The following COL23A1 variants were observed in gnomAD, a reference collection of about 807,000 sequenced individuals.
The protein encoded by COL23A1 is collagen alpha-1(XXIII) chain.
COL23A1 carries 97 observed loss-of-function variants against 99.3 expected under a neutral mutation model. The ratio of observed to expected loss-of-function variants is 0.98; its 90% confidence interval spans 0.83 to 1.16. The LOEUF (loss-of-function observed/expected upper bound fraction) is 1.16. COL23A1 is among the 50% of genes most tolerant of loss of function. The pLI is 0.00. For synonymous variants in COL23A1, 320 were observed against 308.2 expected (o/e 1.04, Z -0.40); for missense variants, 762 against 757.4 (o/e 1.01, Z -0.07).
At chr5:178,290,461 C>G (rs370283504) in intron 3 of COL23A1, 92 bp from the exon 4 acceptor site, 3 of 1,532,654 alleles carry the variant, frequency 2.0e-6, no homozygotes, top group Admixed American at 1.7e-5. Context: ...GTCCTCAGCA[C>G]GGCTCCTGGC....
intron 2 of COL23A1, among the ~76,000 whole-genome samples, chr5:178,400,504 TTC>T (rs1764387781): frequency 1.3e-5 from 2 of 151,898 alleles, no homozygotes; most frequent in Admixed American, 6.6e-5. Flanking sequence ...GGAGGATCTG[TTC>T]TCTGTTTCTA....
At chr5:178,269,626 T>TCCATTCATC (rs1221750120) in intron 6 of COL23A1, among the ~76,000 whole-genome samples, 1 of 35,650 alleles carries the variant, frequency 2.8e-5, no homozygotes, top group Non-Finnish European at 6.5e-5. Context: ...ATCCATCCAT[T>TCCATTCATC]CATCCACCCA....
rs1758622315 is a variant in COL23A1 at position 178,310,669 on chromosome 5, A to ATGTGGTCCCTTTGCTGGGGCTGGC, written c.362-3774_362-3751dup. Among the ~76,000 whole-genome samples, 1 of 151,914 alleles carries ATGTGGTCCCTTTGCTGGGGCTGGC rather than the reference A, an allele frequency of 6.6e-6. No homozygotes were observed. Among genetic ancestry groups the ATGTGGTCCCTTTGCTGGGGCTGGC allele is most frequent in the South Asian group, 2.1e-4 (1 of 4,814 alleles). On this transcript the variant is annotated intron_variant, in intron 2 of 28. Transcript: ENST00000390654. This position sits in a 1 kb window ranked among gnomAD's most constrained non-coding sequence, Gnocchi z 4.3. ...GACCAGGGAGGCTGTTCCTCTGGGG[A>ATGTGGTCCCTTTGCTGGGGCTGGC]TGTGGTCCCTTTGCTGGGGCTGGCT...
At chr5:178,506,397 G>T (rs995327589) in intron 2 of COL23A1, among the ~76,000 whole-genome samples, 2 of 152,340 alleles carry the variant, frequency 1.3e-5, no homozygotes, top group South Asian at 2.1e-4. Flanking sequence ...GGGGACCCCA[G>T]GGTACATCTG....
intron 1 of COL23A1, chr5:178,562,733 TGGTG>T (rs1389801037): frequency 1.0e-5 from 1 of 97,662 alleles, no homozygotes; most frequent in African/African-American, 6.8e-5. Context: ...CGCTGGCTGG[TGGTG>T]GGGGGGGTGC....
Position 178,307,448 on chromosome 5 carries a change from G to T in COL23A1, c.362-529C>A. Reference sequence around the variant, plus strand: ...GATCCGCCTGCAGTCTCCGCCACTCGCTGGGGCCTCCAGCTCCTCCTTCCC... The same window carrying T: ...GATCCGCCTGCAGTCTCCGCCACTCTCTGGGGCCTCCAGCTCCTCCTTCCC... On this transcript the variant is annotated intron_variant, in intron 2 of 28. Coordinates refer to ENST00000390654, the MANE Select transcript of COL23A1 (RefSeq NM_173465.4). The surrounding 1 kb of genome is among the most constrained non-coding windows in gnomAD (Gnocchi z 4.2). Among the ~76,000 whole-genome samples, 1 of 152,212 alleles carries T rather than the reference G, an allele frequency of 6.6e-6. No individual in the cohort carries two copies. The highest frequency in any genetic ancestry group is 2.4e-5 in the African/African-American group (1 of 41,450).
intron 13 of COL23A1, among the ~76,000 whole-genome samples, 187 bp downstream of exon 13, chr5:178,257,336 G>A (rs773779982): frequency 1.7e-4 from 26 of 152,166 alleles, no homozygotes; most frequent in Non-Finnish European, 2.5e-4. Flanking sequence ...GGAGGCACAT[G>A]GCCCGGGTGA....
rs1000006999 is a variant in COL23A1, at chr5:178,366,215, C to T, written c.362-59296G>A. 1.3e-5 allele frequency among the ~76,000 whole-genome samples: 2 copies of T among 152,216 alleles called. No individual in the cohort carries two copies. The highest frequency in any genetic ancestry group is 2.4e-5 in the African/African-American group (1 of 41,464). Reference sequence around the variant, plus strand: ...CCGGAGCCCAGGGTTCACTCTGCAACTCTGCTGGCTGAAGGGCCTGCTCCC... The same window carrying T: ...CCGGAGCCCAGGGTTCACTCTGCAATTCTGCTGGCTGAAGGGCCTGCTCCC... On this transcript the variant is annotated intron_variant, in intron 2 of 28. Transcript: ENST00000390654. This position sits in a 1 kb window ranked among gnomAD's most constrained non-coding sequence, Gnocchi z 4.4.
At chr5:178,283,349 GA>G (rs1756997731) in intron 5 of COL23A1, among the ~76,000 whole-genome samples, 1 of 152,058 alleles carries the variant, frequency 6.6e-6, no homozygotes, top group Non-Finnish European at 1.5e-5. Context: ...GAGTGTACCT[GA>G]ACACACAAAG....
chr5:178,540,935 G>A (rs2113330383), intron 2 of COL23A1, among the ~76,000 whole-genome samples: 1 of 152,182 alleles, frequency 6.6e-6, no homozygotes, highest in Non-Finnish European at 1.5e-5. Flanking sequence ...CTCAAAAAAT[G>A]AAACAAAGAA....
At chr5:178,399,646 AG>A (rs1764331290) in intron 2 of COL23A1, among the ~76,000 whole-genome samples, 1 of 152,164 alleles carries the variant, frequency 6.6e-6, no homozygotes, top group Non-Finnish European at 1.5e-5. Context: ...ATCCTACTCA[AG>A]GGTTGTGGGG....
chr5:178,579,587 C>T (rs1055981876), intron 1 of COL23A1, among the ~76,000 whole-genome samples: 3 of 152,050 alleles, frequency 2.0e-5, no homozygotes, highest in Non-Finnish European at 2.9e-5. Context: ...CCGAGTAGCT[C>T]GGATTACAGA....
chr5:178,419,468 A>G (rs972782222), intron 2 of COL23A1, among the ~76,000 whole-genome samples: 18 of 152,292 alleles, frequency 1.2e-4, no homozygotes, highest in Admixed American at 1.1e-3. Flanking sequence ...CACGACCTGA[A>G]TTATCTCCTT....
chr5:178,525,124 G>C (rs1284896797), intron 2 of COL23A1, among the ~76,000 whole-genome samples: 1 of 13,924 alleles, frequency 7.2e-5, no homozygotes, highest in Non-Finnish European at 1.5e-4. Flanking sequence ...ACAGCGCGCA[G>C]ACCCCAGGAC....
At chr5:178,283,636 AATGTT>A (rs1236738789) in intron 5 of COL23A1, among the ~76,000 whole-genome samples, 1 of 152,246 alleles carries the variant, frequency 6.6e-6, no homozygotes, top group African/African-American at 2.4e-5. Flanking sequence ...ACTAAAGCTT[AATGTT>A]AAGAGTTAAG....
intron 3 of COL23A1, among the ~76,000 whole-genome samples, chr5:178,292,642 G>A (rs2127589067): frequency 6.6e-6 from 1 of 152,320 alleles, no homozygotes; most frequent in South Asian, 2.1e-4. Context: ...ATGCTGCAGG[G>A]GAGAGAGGAC....
Position 178,280,433 on chromosome 5 carries a change from G to A in COL23A1, c.441+7891C>T, listed in dbSNP as rs576939084. On this transcript the variant is annotated intron_variant, in intron 5 of 28. Coordinates refer to ENST00000390654, the MANE Select transcript of COL23A1 (RefSeq NM_173465.4). This position sits in a 1 kb window ranked among gnomAD's most constrained non-coding sequence, Gnocchi z 4.9. ...GCCGAGGCTTGGCGGGGCCAGGGAC[G>A]TGCCTGAGGCCACATGGACTATAGA... Among the ~76,000 whole-genome samples the A allele has an allele frequency of 1.8e-4, 28 of 152,256 alleles. No individual in the cohort carries two copies. In the Middle Eastern group the frequency reaches 0.01, roughly 55 times the overall value.
intron 1 of COL23A1, among the ~76,000 whole-genome samples, chr5:178,583,903 A>T (rs185383031): frequency 4.6e-3 from 702 of 152,284 alleles, no homozygotes; most frequent in Non-Finnish European, 8.1e-3. Flanking sequence ...TCAGTCTGTC[A>T]CCCAGGCTGG....
At position 178,340,450 on chromosome 5, in the gene COL23A1, G is replaced by A. The variant is rs1488949251; in HGVS notation, c.362-33531C>T. The stretch of plus-strand genomic sequence containing the variant: ...ACTGAAGAGCCCAGCTCCACACCAC[G>A]ACTCCAGCTACACTCCAGCCTTGAA... On this transcript the variant is annotated intron_variant, in intron 2 of 28. Transcript: ENST00000390654. This position sits in a 1 kb window ranked among gnomAD's most constrained non-coding sequence, Gnocchi z 4.7. Among the ~76,000 whole-genome samples the A allele has an allele frequency of 1.3e-5, 2 of 152,130 alleles. No homozygotes were observed. Among genetic ancestry groups the A allele is most frequent in the Non-Finnish European group, 2.9e-5 (2 of 68,026 alleles).
Sources: gnomAD v4.1 joint callset for allele counts (sites outside exome capture counted in the v4.1 genomes callset) on GRCh38, gnomAD v4.1.1 for gene constraint, Gnocchi (gnomAD v3.1) non-coding constraint, MANE v1.5 for transcripts, NCBI Gene and HGNC (gene_info 2026-07-23, HGNC 2026-07-21) for gene names.